Variants in ZMAT4 observed in about 807,000 individuals in gnomAD.
ZMAT4 encodes the protein zinc finger matrin-type 4, also known as zinc finger matrin-type protein 4.
A neutral mutation model predicts 28.7 loss-of-function variants in ZMAT4; 17 were observed. The ratio of observed to expected loss-of-function variants is 0.59; its 90% CI spans 0.41 to 0.89. The LOEUF (loss-of-function observed/expected upper bound fraction) is 0.89, where lower values mean the gene tolerates loss of function less well. Ranked by LOEUF, ZMAT4 falls within the 40% of genes least tolerant of loss-of-function variation. The probability of loss-of-function intolerance (pLI) is 0.00; values close to 1 mark genes in which losing one functional copy is unlikely to be tolerated. For missense variants in ZMAT4, 240 were observed against 283.8 expected, an observed-to-expected ratio of 0.85 and a Z score of 1.11; for synonymous variants, 117 against 109.2, an observed-to-expected ratio of 1.07 and a Z score of -0.44.
intron 5 of ZMAT4, among the ~76,000 whole-genome samples, chr8:40,661,087 T>C (rs939647947): frequency 6.6e-6 from 1 of 152,198 alleles, no homozygotes; most frequent in Non-Finnish European, 1.5e-5. Flanking sequence ...AAGTATGTTC[T>C]ACTTGGAGTA....
intron 5 of ZMAT4, among the ~76,000 whole-genome samples, chr8:40,627,489 T>C (rs1479153679): frequency 1.3e-5 from 2 of 152,314 alleles, no homozygotes; most frequent in Admixed American, 1.3e-4. Context: ...TGTTTTACTG[T>C]CTTTGTGGAT....
At chr8:40,572,689 A>T (rs958603621) in intron 6 of ZMAT4, among the ~76,000 whole-genome samples, 13 of 152,188 alleles carry the variant, frequency 8.5e-5, no homozygotes, top group Admixed American at 8.5e-4. Flanking sequence ...AAAGTCTACT[A>T]ATAGGCAATT....
At chr8:40,805,997 A>AG (rs1182849554) in intron 2 of ZMAT4, among the ~76,000 whole-genome samples, 2 of 148,522 alleles carry the variant, frequency 1.3e-5, no homozygotes, top group African/African-American at 5.0e-5. Context: ...ACCTTGTCTG[A>AG]GAAAAAATAA....
At chr8:40,784,227 G>T (rs1381353974) in intron 2 of ZMAT4, among the ~76,000 whole-genome samples, 1 of 152,034 alleles carries the variant, frequency 6.6e-6, no homozygotes, top group Non-Finnish European at 1.5e-5. Flanking sequence ...AATATATCAT[G>T]ATCAATCATG....
intron 6 of ZMAT4, among the ~76,000 whole-genome samples, chr8:40,577,576 A>G (rs1170402754): frequency 6.6e-6 from 1 of 152,204 alleles, no homozygotes; most frequent in East Asian, 1.9e-4. Context: ...TTCCACCTAG[A>G]TAAAAGAAAC....
intron 5 of ZMAT4, among the ~76,000 whole-genome samples, chr8:40,648,450 G>T (rs1297728370): frequency 1.3e-5 from 2 of 151,386 alleles, no homozygotes; most frequent in Non-Finnish European, 2.9e-5. Flanking sequence ...ACGTCTGATT[G>T]GTGTACCGGA....
At chr8:40,635,613 C>T (rs985850890) in intron 5 of ZMAT4, among the ~76,000 whole-genome samples, 62 of 152,158 alleles carry the variant, frequency 4.1e-4, no homozygotes, top group African/African-American at 1.4e-3. Flanking sequence ...AAGTATTTCT[C>T]AGTGAGGGCG....
rs537166333 is a variant in ZMAT4 at position 40,641,558 on chromosome 8, T to C, written c.577+33146A>G. Among the ~76,000 whole-genome samples, 17 of 152,348 alleles carry C rather than the reference T, an allele frequency of 1.1e-4. 1 individual carries two copies. In the South Asian group the frequency reaches 3.5e-3, roughly 32 times the overall value. On this transcript the variant is annotated intron_variant, in intron 5 of 6. Coordinates refer to ENST00000297737, the MANE Select transcript of ZMAT4 (RefSeq NM_024645.3). Reference sequence around the variant, plus strand: ...AGTAGGATTGGCATACTAAAAGCTATAAATATTTCATGTACACAACTTGAT... The same window carrying C: ...AGTAGGATTGGCATACTAAAAGCTACAAATATTTCATGTACACAACTTGAT...
At chr8:40,537,342 G>A (rs1176182135) in intron 6 of ZMAT4, among the ~76,000 whole-genome samples, 2 of 152,022 alleles carry the variant, frequency 1.3e-5, no homozygotes, top group Non-Finnish European at 2.9e-5. Flanking sequence ...AATCACAAAT[G>A]TTTTAACCCA....
chr8:40,879,668 T>C (rs1395753620), intron 1 of ZMAT4, among the ~76,000 whole-genome samples: 1 of 152,168 alleles, frequency 6.6e-6, no homozygotes, highest in East Asian at 1.9e-4. Context: ...GAATAAAGAC[T>C]CACTGTAAAA....
intron 1 of ZMAT4, among the ~76,000 whole-genome samples, chr8:40,849,842 G>T (rs1264986289): frequency 1.3e-5 from 2 of 152,080 alleles, no homozygotes; most frequent in African/African-American, 4.8e-5. Flanking sequence ...TATCTAAAGG[G>T]GCTCAAACCT....
chr8:40,536,214 C>T (rs544428240), intron 6 of ZMAT4, among the ~76,000 whole-genome samples: 3 of 152,276 alleles, frequency 2.0e-5, no homozygotes, highest in East Asian at 1.9e-4. Context: ...AAAAGTGCAG[C>T]GTTTTCCCTG....
intron 1 of ZMAT4, among the ~76,000 whole-genome samples, chr8:40,858,185 C>T (rs879047933): frequency 6.6e-6 from 1 of 152,156 alleles, no homozygotes; most frequent in African/African-American, 2.4e-5. Context: ...GACATGAAAA[C>T]GGGAATGTCA....
In ZMAT4 at chr8:40,828,660, A is replaced by T. The variant is rs549161615; in HGVS notation, c.-4-2980T>A. Among the ~76,000 whole-genome samples, 12 of 152,370 alleles carry T rather than the reference A, an allele frequency of 7.9e-5. No individual in the cohort carries two copies. The South Asian group carries it at 2.5e-3, about 32-fold the overall frequency. Reference sequence around the variant, plus strand: ...ATATGCAATTTTTTAAAAGGCAATAAGGACCCCTCTGAAATCGATGACACC... The same window carrying T: ...ATATGCAATTTTTTAAAAGGCAATATGGACCCCTCTGAAATCGATGACACC... On this transcript the variant is annotated intron_variant, in intron 1 of 6. Coordinates refer to ENST00000297737, the MANE Select transcript of ZMAT4 (RefSeq NM_024645.3).
chr8:40,592,295 C>T (rs962231275), intron 5 of ZMAT4, among the ~76,000 whole-genome samples: 5 of 152,300 alleles, frequency 3.3e-5, no homozygotes, highest in South Asian at 4.1e-4. Flanking sequence ...CAGCTCTTCC[C>T]TCTGAGTTCA....
chr8:40,634,858 T>G (rs1041834214), intron 5 of ZMAT4, among the ~76,000 whole-genome samples: 3 of 152,252 alleles, frequency 2.0e-5, no homozygotes, highest in African/African-American at 4.8e-5. Flanking sequence ...ATGCGTGATT[T>G]ATTTTGCAAT....
At chr8:40,699,596 GCACA>G (rs10681965) in intron 3 of ZMAT4, among the ~76,000 whole-genome samples, 122 of 149,714 alleles carry the variant, frequency 8.1e-4, no homozygotes, top group African/African-American at 8.8e-4. Flanking sequence ...AAATGTAAAT[GCACA>G]CACACACACA....
chr8:40,764,003 G>A (rs1162516443), intron 3 of ZMAT4, among the ~76,000 whole-genome samples: 1 of 151,712 alleles, frequency 6.6e-6, no homozygotes, highest in Non-Finnish European at 1.5e-5. Context: ...AAAAAACCCA[G>A]GTAAAACTAA....
chr8:40,632,497 G>A (rs1466699504), intron 5 of ZMAT4, among the ~76,000 whole-genome samples: 1 of 152,142 alleles, frequency 6.6e-6, no homozygotes, highest in Non-Finnish European at 1.5e-5. Context: ...TTAAAGTAGG[G>A]ATCTTGAGGT....
Sources: gnomAD v4.1 joint callset for allele counts (sites outside exome capture counted in the v4.1 genomes callset) on GRCh38, gnomAD v4.1.1 for gene constraint, MANE v1.5 for transcripts, NCBI Gene and HGNC (gene_info 2026-07-23, HGNC 2026-07-21) for gene names.